TFCP2L1: variants seen among roughly 807,000 people sequenced by gnomAD.
The protein encoded by TFCP2L1 is transcription factor CP2-like protein 1.
In TFCP2L1, 12 loss-of-function variants were observed where a neutral mutation model predicts 72.2. The observed-to-expected ratio is 0.17, with a 90% CI of 0.11 to 0.27. TFCP2L1 has a LOEUF of 0.27. TFCP2L1 is among the 10% of genes least tolerant of loss of function. The pLI, the probability that TFCP2L1 is intolerant of heterozygous loss-of-function variation, is 1.00. For synonymous variants in TFCP2L1, 260 were observed against 251.0 expected (o/e 1.04, Z -0.34); for missense variants, 488 against 624.6 (o/e 0.78, Z 2.33).
rs555870964 is a variant in TFCP2L1 at position 121,244,945 on chromosome 2, C to T, written c.657+1873G>A. On this transcript the variant is annotated intron_variant, in intron 6 of 14. Coordinates refer to ENST00000263707, the MANE Select transcript of TFCP2L1 (RefSeq NM_014553.3). ...GCAGAAATACCACAGGGCCGCCACG[C>T]CCACTGCTTGGTGGACGTGGTCGGC... Among the ~76,000 whole-genome samples the T allele has an allele frequency of 9.9e-5, 15 of 152,252 alleles. 1 individual carries two copies. The highest frequency in any genetic ancestry group is 3.4e-3 in the Middle Eastern group (1 of 294).
At chr2:121,250,112 G>A (rs1686574943) in intron 2 of TFCP2L1, among the ~76,000 whole-genome samples, 1 of 152,142 alleles carries the variant, frequency 6.6e-6, no homozygotes, top group Non-Finnish European at 1.5e-5. Flanking sequence ...ATGGCAGAAT[G>A]CAAAGCATGT....
chr2:121,231,695 C>T lies in TFCP2L1; in HGVS notation c.1341+131G>A, dbSNP rs1456768398. ...TCTCCATCGCAGCCCCGGACAGCCA[C>T]AGCTGCAGGTGGTGTGCAGATGAAC... On this transcript the variant is annotated intron_variant, in intron 13 of 14. Transcript: ENST00000263707. The T allele has an allele frequency of 5.2e-6, 7 of 1,344,604 alleles. No individual in the cohort carries two copies. The African/African-American group carries it at 1.0e-4, about 19-fold the overall frequency. 83.3% of individuals were successfully genotyped at this position (1,344,604 alleles called of 1,614,324 possible).
rs1372129394 is a variant in TFCP2L1, at chr2:121,218,280, C to A, written c.*6061G>T. Reference sequence around the variant, plus strand: ...CATATTTTTGGTAAATACATGTCTACTAAAAATAAGAATTTTTTTTTTTGT... The same window carrying A: ...CATATTTTTGGTAAATACATGTCTAATAAAAATAAGAATTTTTTTTTTTGT... On this transcript the variant is annotated 3_prime_UTR_variant, in exon 15 of 15. Coordinates refer to ENST00000263707, the MANE Select transcript of TFCP2L1 (RefSeq NM_014553.3). The A allele has an allele frequency of 6.6e-6, 1 of 152,032 alleles. No individual in the cohort carries two copies. The highest frequency in any genetic ancestry group is 1.9e-4 in the East Asian group (1 of 5,198). 9.4% of individuals were successfully genotyped at this position (152,032 alleles called of 1,614,324 possible).
intron 1 of TFCP2L1, among the ~76,000 whole-genome samples, chr2:121,282,319 TAAAAAAAAAAAA>T (rs539101704): frequency 2.3e-5 from 2 of 86,256 alleles, no homozygotes; most frequent in Admixed American, 1.4e-4. Flanking sequence ...CTCTCCACAT[TAAAAAAAAAAAA>T]AAAAAAAAAA....
At chr2:121,238,121 G>A (rs1323159084) in intron 8 of TFCP2L1, among the ~76,000 whole-genome samples, 1 of 152,120 alleles carries the variant, frequency 6.6e-6, no homozygotes, top group Non-Finnish European at 1.5e-5. Context: ...TGAGTCACCG[G>A]CAACACATCC....
At chr2:121,240,750 G>C in intron 7 of TFCP2L1, 3 of 984,894 alleles carry the variant, frequency 3.0e-6, no homozygotes, top group Non-Finnish European at 3.6e-6. Context: ...ACCAGCACAG[G>C]CATGAACCAG....
At chr2:121,276,803 C>T (rs1432236653) in intron 2 of TFCP2L1, among the ~76,000 whole-genome samples, 1 of 152,094 alleles carries the variant, frequency 6.6e-6, no homozygotes, top group Non-Finnish European at 1.5e-5. Flanking sequence ...AATTTAGACA[C>T]CTCTAAATGA....
intron 2 of TFCP2L1, among the ~76,000 whole-genome samples, chr2:121,266,053 A>G (rs1374885917): frequency 1.3e-5 from 2 of 151,262 alleles, no homozygotes; most frequent in Non-Finnish European, 2.9e-5. Context: ...TTTGGTAGAG[A>G]TGGTGTTTCC....
In TFCP2L1 at chr2:121,218,785, AGTTGCCCT is replaced by A. The variant is rs1259571310; in HGVS notation, c.*5548_*5555del. 1.3e-5 allele frequency: 2 copies of A among 152,290 alleles called. No individual in the cohort carries two copies. Among genetic ancestry groups the A allele is most frequent in the African/African-American group, 4.8e-5 (2 of 41,454 alleles). 9.4% of individuals were successfully genotyped at this position (152,290 alleles called of 1,614,324 possible). ...GTGCAGCCCTGGCCACTAGCACAGC[AGTTGCCCT>A]CAGATCTGTTAGCTGTGACCCATAG... On this transcript the variant is annotated 3_prime_UTR_variant, in exon 15 of 15. Transcript: ENST00000263707.
chr2:121,281,999 C>A, intron 1 of TFCP2L1, among the ~76,000 whole-genome samples: 1 of 151,880 alleles, frequency 6.6e-6, no homozygotes, highest in East Asian at 1.9e-4. Context: ...GTGGCGTGAT[C>A]TCGGCTCACT....
rs891921299 is a variant in TFCP2L1 at position 121,224,465 on chromosome 2, C to T, written c.1394-78G>A. 1.2e-5 allele frequency: 18 copies of T among 1,482,924 alleles called. 1 individual carries two copies. Among genetic ancestry groups the T allele is most frequent in the Middle Eastern group, 3.5e-4 (2 of 5,684 alleles). 91.9% of individuals were successfully genotyped at this position (1,482,924 alleles called of 1,614,324 possible). On this transcript the variant is annotated intron_variant, in intron 14 of 14. Transcript: ENST00000263707. ...CAGTATTGGGGAGTCCCAAAAGGCA[C>T]GCTGTTAGGGTATCAGCAAAGACCA...
intron 12 of TFCP2L1, among the ~76,000 whole-genome samples, chr2:121,233,807 A>G (rs1686190981): frequency 6.6e-6 from 1 of 152,206 alleles, no homozygotes. Context: ...CCTGCCTCCA[A>G]TCCTGACTGC....
chr2:121,246,751 T>G lies in TFCP2L1; in HGVS notation c.657+67A>C, dbSNP rs1173642762. On this transcript the variant is annotated intron_variant, in intron 6 of 14. Transcript: ENST00000263707. ...CTGTAAGAGGAAACTCCAGGGTCTC[T>G]GTGGGCGAATGTGACCACAGGCCAG... The G allele has an allele frequency of 2.5e-6, 4 of 1,597,176 alleles. No homozygotes were observed. In the African/African-American group the frequency reaches 4.0e-5, roughly 16 times the overall value.
At chr2:121,281,030 G>A (rs1315192325) in intron 2 of TFCP2L1, 90 bp downstream of exon 2, 17 of 1,567,080 alleles carry the variant, frequency 1.1e-5, no homozygotes, top group African/African-American at 2.7e-5. Flanking sequence ...CTCACCCACC[G>A]TAACAAAGTC....
intron 2 of TFCP2L1, among the ~76,000 whole-genome samples, chr2:121,272,835 A>G (rs564252427): frequency 4.6e-5 from 7 of 152,302 alleles, no homozygotes; most frequent in African/African-American, 1.4e-4. Flanking sequence ...CAGGTAAGGA[A>G]TTGGAGGCAA....
At position 121,249,077 on chromosome 2, in the gene TFCP2L1, C is replaced by T. The variant is rs745506190; in HGVS notation, c.302G>A (p.Arg101His). The change falls in exon 4 of 15, where the codon CGT becomes CAT. Residue 101 changes from arginine (R) to histidine (H), a missense_variant. Physicochemically the swap from Arg to His is conservative, Grantham distance 29. Transcript: ENST00000263707. ...CAGCCGGCGGTCATGGAAGACCACA[C>T]GGATGATGCTCTGGGGAGGGAGGCC... is the stretch of plus-strand genomic sequence containing the variant. Reference protein sequence around the residue: ...LNTKYVKSIIRVVFHDRRLQY... With the variant: ...LNTKYVKSIIHVVFHDRRLQY... 3.8e-6 allele frequency: 6 copies of T among 1,586,414 alleles called. No homozygotes were observed. Among genetic ancestry groups the T allele is most frequent in the African/African-American group, 1.4e-5 (1 of 73,894 alleles).
At chr2:121,282,719 T>C (rs113250295) in intron 1 of TFCP2L1, among the ~76,000 whole-genome samples, 3,517 of 152,232 alleles carry the variant, frequency 0.023, 117 homozygotes, top group African/African-American at 0.069. Context: ...CTTCCCTTCG[T>C]GGGTCCCTGA....
chr2:121,227,720 T>TACACAC (rs144192362), intron 13 of TFCP2L1, among the ~76,000 whole-genome samples: 29,828 of 147,198 alleles, frequency 0.2, 3,140 homozygotes, highest in African/African-American at 0.25. Flanking sequence ...AAACATACAA[T>TACACAC]ACACACACAC....
intron 6 of TFCP2L1, among the ~76,000 whole-genome samples, chr2:121,245,993 T>C (rs980906165): frequency 5.3e-5 from 8 of 152,218 alleles, no homozygotes; most frequent in Non-Finnish European, 1.2e-4. Flanking sequence ...AAGAGGAAGA[T>C]GGAATGAGCA....
Sources: gnomAD v4.1 joint callset for allele counts (sites outside exome capture counted in the v4.1 genomes callset) on GRCh38, gnomAD v4.1.1 for gene constraint, MANE v1.5 for transcripts, NCBI Gene and HGNC (gene_info 2026-07-23, HGNC 2026-07-21) for gene names.